ATP8B1: variants seen among roughly 807,000 people sequenced by gnomAD.
The protein encoded by ATP8B1 is phospholipid-transporting ATPase IC.
ATP8B1 carries 80 observed loss-of-function variants against 149.9 expected under a neutral mutation model. That is an observed-to-expected ratio of 0.53 (90% confidence interval 0.45 to 0.64). The LOEUF (loss-of-function observed/expected upper bound fraction) is 0.64, where lower values mean the gene tolerates loss of function less well. ATP8B1 is among the 30% of genes least tolerant of loss of function. ATP8B1 has a pLI of 0.00. For synonymous variants in ATP8B1, 536 were observed against 562.8 expected (o/e 0.95, Z 0.67); for missense variants, 1,247 against 1,552.6 (o/e 0.80, Z 3.31).
chr18:57,751,454 GAAA>G (rs371060012), intron 1 of ATP8B1, among the ~76,000 whole-genome samples: 1 of 135,308 alleles, frequency 7.4e-6, no homozygotes. Context: ...ATGCTGTCTT[GAAA>G]AAAAAAAAAA....
Position 57,740,523 on chromosome 18 carries a change from C to CTGTGAG in ATP8B1, c.-25-8697_-25-8692dup, listed in dbSNP as rs1339861894. On this transcript the variant is annotated intron_variant, in intron 1 of 27. Coordinates refer to ENST00000648908, the MANE Select transcript of ATP8B1 (RefSeq NM_001374385.1). ...TTTTGGTGTTCACATCTTTAATTTC[C>CTGTGAG]TGTGAGTGTGGCATACACATGAGGT... 2.0e-5 allele frequency: 3 copies of CTGTGAG among 150,998 alleles called. No homozygotes were observed. The East Asian group carries it at 5.8e-4, about 29-fold the overall frequency. The allele number at this position is 150,998 out of a possible 1,614,324, so 9.4% of individuals were successfully genotyped here.
Position 57,661,323 on chromosome 18 carries a change from A to G in ATP8B1, c.2558T>C (p.Phe853Ser), listed in dbSNP as rs773092889. ...EAKKEQRQKNFVDLACECSAV... is the reference protein window; with the variant it reads ...EAKKEQRQKNSVDLACECSAV... Reference sequence around the variant, plus strand: ...GCTGCACTCGCAGGCCAGGTCCACAAAGTTTTTCTGCCGCTGCTCTTTCTT... The same window carrying G: ...GCTGCACTCGCAGGCCAGGTCCACAGAGTTTTTCTGCCGCTGCTCTTTCTT... Residue 853 changes from phenylalanine (F) to serine (S), a missense_variant, in exon 22 of 28, where the codon TTT becomes TCT. Physicochemically the swap from Phe to Ser is radical, Grantham distance 155. Around this residue, in one of 3 missense-constraint regions of ATP8B1, gnomAD observed 853 missense variants for 1,035.7 expected, o/e 0.82. Transcript: ENST00000648908. 30 of 1,613,880 alleles carry G rather than the reference A, an allele frequency of 1.9e-5. No individual in the cohort carries two copies. Among genetic ancestry groups the G allele is most frequent in the Non-Finnish European group, 2.3e-5 (27 of 1,179,986 alleles).
chr18:57,798,593 C>T (rs1203907916), intron 1 of ATP8B1, among the ~76,000 whole-genome samples: 2 of 151,816 alleles, frequency 1.3e-5, no homozygotes, highest in Non-Finnish European at 2.9e-5. Flanking sequence ...AAGACCCTGT[C>T]TAAAATAAAT....
Position 57,697,925 on chromosome 18 carries a change from A to C in ATP8B1, c.555-58T>G, listed in dbSNP as rs931057807. On this transcript the variant is annotated intron_variant, in intron 6 of 27. Transcript: ENST00000648908. ...ATTTTAAGTTACAGGCAAGGGAATT[A>C]CTATTCTTTCTGGATGTTATAGATT... The C allele has an allele frequency of 2.8e-6, 4 of 1,435,680 alleles. No individual in the cohort carries two copies. In the African/African-American group the frequency reaches 4.2e-5, roughly 15 times the overall value. The allele number at this position is 1,435,680 out of a possible 1,614,324, so 88.9% of individuals were successfully genotyped here. A position where few individuals can be genotyped will look rare whatever the true frequency, so the allele number is the denominator to read the frequency against.
At chr18:57,731,056 G>A (rs898358282) in intron 2 of ATP8B1, among the ~76,000 whole-genome samples, 3 of 152,086 alleles carry the variant, frequency 2.0e-5, no homozygotes, top group Non-Finnish European at 4.4e-5. Context: ...GAGTTTGAGA[G>A]GTTGAGGTGG....
intron 1 of ATP8B1, among the ~76,000 whole-genome samples, chr18:57,766,690 G>A (rs890040093): frequency 6.6e-6 from 1 of 152,174 alleles, no homozygotes; most frequent in African/African-American, 2.4e-5. Context: ...TCAAGCTCCC[G>A]GGTGATGCCA....
chr18:57,771,312 T>TGGGAGTAGTCCATCACTCATTCA (rs1371506424), intron 1 of ATP8B1, among the ~76,000 whole-genome samples: 1 of 152,222 alleles, frequency 6.6e-6, no homozygotes, highest in Non-Finnish European at 1.5e-5. Context: ...TTAGAGGATA[T>TGGGAGTAGTCCATCACTCATTCA]GGGAGTAGTC....
chr18:57,758,093 A>G (rs2080103185), intron 1 of ATP8B1, among the ~76,000 whole-genome samples: 1 of 152,122 alleles, frequency 6.6e-6, no homozygotes, highest in Admixed American at 6.6e-5. Context: ...TCCTCAGCTC[A>G]AACGATCCTC....
rs76068563 is a variant in ATP8B1, at chr18:57,703,168, C to T, written c.393+1387G>A. 7.9e-3 allele frequency among the ~76,000 whole-genome samples: 1,208 copies of T among 152,246 alleles called. 15 individuals carry two copies. Among genetic ancestry groups the T allele is most frequent in the African/African-American group, 0.027 (1,124 of 41,536 alleles). ...GTCTCTTCTTTTTCTCTCCTCTCCA[C>T]GCATCCTCCATCCCCACCTAGACAC... On this transcript the variant is annotated intron_variant, in intron 4 of 27. Transcript: ENST00000648908.
At chr18:57,651,993 A>G (rs1266924361) in intron 26 of ATP8B1, 41 bp downstream of exon 26, 3 of 1,590,792 alleles carry the variant, frequency 1.9e-6, no homozygotes, top group Non-Finnish European at 2.6e-6. Context: ...AACTAATGAC[A>G]TTTGTCTGTA....
At chr18:57,658,432 A>G (rs1910154655) in intron 22 of ATP8B1, among the ~76,000 whole-genome samples, 1 of 152,190 alleles carries the variant, frequency 6.6e-6, no homozygotes, top group African/African-American at 2.4e-5. Flanking sequence ...CTGGTATGAG[A>G]TATCTTCAGG....
intron 17 of ATP8B1, among the ~76,000 whole-genome samples, chr18:57,670,325 A>G (rs189021513): frequency 6.6e-6 from 1 of 152,050 alleles, no homozygotes; most frequent in East Asian, 1.9e-4. Context: ...GAACGATTCA[A>G]ACATTTTCTT....
rs146782236 is a variant in ATP8B1, at chr18:57,652,584, G to C, written c.3161C>G (p.Ala1054Gly). The C allele has an allele frequency of 4.3e-6, 7 of 1,614,186 alleles. No homozygotes were observed. The highest frequency in any genetic ancestry group is 5.9e-6 in the Non-Finnish European group (7 of 1,180,022). The change falls in exon 25 of 28, where the codon GCT becomes GGT. Residue 1054 changes from alanine (A) to glycine (G), a missense_variant. By Grantham distance (60) the Ala-to-Gly change is moderately conservative. This residue lies in a region of ATP8B1 where 230 missense variants were observed against 356.6 expected (regional missense o/e 0.65). Coordinates refer to ENST00000648908, the MANE Select transcript of ATP8B1 (RefSeq NM_001374385.1). ...SMILFFIPLG[A>G]YLQTVGQDGE... The stretch of plus-strand genomic sequence containing the variant: ...ATCCTGCCCTACGGTTTGCAGATAA[G>C]CTCCAAGAGGTATGAAGAAGAGGAT...
At chr18:57,751,898 T>C (rs920110805) in intron 1 of ATP8B1, among the ~76,000 whole-genome samples, 1 of 152,042 alleles carries the variant, frequency 6.6e-6, no homozygotes, top group Non-Finnish European at 1.5e-5. Flanking sequence ...TTTTTGTTTC[T>C]AACAGAGTAA....
In ATP8B1 at chr18:57,704,831, C is replaced by T. The variant is rs186498250; in HGVS notation, c.280-163G>A. ...GGGTGCGGTGGCTTATGCCTGCAAT[C>T]CCAGCGCTTTGGGAGACCGAGGTGG... On this transcript the variant is annotated intron_variant, in intron 3 of 27. Transcript: ENST00000648908. 9.9e-5 allele frequency among the ~76,000 whole-genome samples: 15 copies of T among 152,252 alleles called. No homozygotes were observed. In the East Asian group the frequency reaches 2.7e-3, roughly 27 times the overall value.
intron 2 of ATP8B1, among the ~76,000 whole-genome samples, chr18:57,708,911 A>G (rs1333698100): frequency 6.6e-6 from 1 of 152,170 alleles, no homozygotes; most frequent in Non-Finnish European, 1.5e-5. Context: ...ATTCAGACAG[A>G]GAGGGTGGCA....
intron 1 of ATP8B1, among the ~76,000 whole-genome samples, chr18:57,758,053 A>C (rs150499159): frequency 0.01 from 1,570 of 152,234 alleles, 31 homozygotes; most frequent in African/African-American, 0.035. Flanking sequence ...CGTGTAGCTC[A>C]GACTGGTCTT....
intron 1 of ATP8B1, among the ~76,000 whole-genome samples, chr18:57,754,723 C>T (rs1357727833): frequency 6.6e-6 from 1 of 152,168 alleles, no homozygotes; most frequent in African/African-American, 2.4e-5. Context: ...CACGCCGGGG[C>T]TCAAATTTAC....
Position 57,784,397 on chromosome 18 carries a change from A to G in ATP8B1, c.-26+18601T>C, listed in dbSNP as rs1319514143. On this transcript the variant is annotated intron_variant, in intron 1 of 27. Coordinates refer to ENST00000648908, the MANE Select transcript of ATP8B1 (RefSeq NM_001374385.1). The surrounding 1 kb of genome is among the most constrained non-coding windows in gnomAD (Gnocchi z 4.4). ...TGTAAGAAGGCTACTGGAATGGTCCAGGAGAGGGAGGATGACAGCTTGAAC... is the reference window on the plus strand; with the variant it reads ...TGTAAGAAGGCTACTGGAATGGTCCGGGAGAGGGAGGATGACAGCTTGAAC... Among the ~76,000 whole-genome samples, 3 of 152,302 alleles carry G rather than the reference A, an allele frequency of 2.0e-5. No homozygotes were observed. The highest frequency in any genetic ancestry group is 6.5e-5 in the Admixed American group (1 of 15,292).
Sources: allele counts gnomAD v4.1 joint callset (sites outside exome capture counted in the v4.1 genomes callset), GRCh38; gene constraint gnomAD v4.1.1; regional missense constraint gnomAD v4.1.1; non-coding constraint Gnocchi (gnomAD v3.1); transcripts MANE v1.5; gene names NCBI Gene and HGNC (gene_info 2026-07-23, HGNC 2026-07-21).